RBFOX1: variants seen among roughly 807,000 people sequenced by gnomAD.
RBFOX1 encodes the protein RNA binding fox-1 homolog 1.
A neutral mutation model predicts 57.7 loss-of-function variants in RBFOX1; 8 were observed. The ratio of observed to expected loss-of-function variants is 0.14; its 90% CI spans 0.08 to 0.25. RBFOX1 has a LOEUF of 0.25. Ranked by LOEUF, RBFOX1 falls within the 10% of genes least tolerant of loss-of-function variation. RBFOX1 has a pLI of 1.00. For synonymous variants in RBFOX1, 326 were observed against 222.4 expected (o/e 1.47, Z -4.15); for missense variants, 611 against 548.5 (o/e 1.11, Z -1.14).
rs116439677 is a variant in RBFOX1 at position 7,161,069 on chromosome 16, A to T, written c.27+108971A>T. On this transcript the variant is annotated intron_variant, in intron 4 of 15. Transcript: ENST00000550418. ...CAGGTTGTTCCCAGCTACCCAGATG[A>T]CTACCTTTCATCATATTTGCAGAGT... Among the ~76,000 whole-genome samples, 125 of 151,902 alleles carry T rather than the reference A, an allele frequency of 8.2e-4. 2 individuals carry two copies. The highest frequency in any genetic ancestry group is 3.0e-3 in the African/African-American group (122 of 41,156).
chr16:6,703,083 T>G (rs1304005799), intron 3 of RBFOX1, among the ~76,000 whole-genome samples: 1 of 152,238 alleles, frequency 6.6e-6, no homozygotes, highest in East Asian at 1.9e-4. Context: ...TGTGTTATTC[T>G]TATTTCCTTC....
intron 4 of RBFOX1, among the ~76,000 whole-genome samples, chr16:7,330,157 C>T (rs996011734): frequency 6.6e-6 from 1 of 152,040 alleles, no homozygotes; most frequent in African/African-American, 2.4e-5. Flanking sequence ...AGATTGGTTC[C>T]AGGACCTCCC....
intron 4 of RBFOX1, among the ~76,000 whole-genome samples, chr16:7,127,244 C>G (rs1477644318): frequency 4.6e-5 from 7 of 152,120 alleles, no homozygotes; most frequent in African/African-American, 1.7e-4. Flanking sequence ...TCCATACTTT[C>G]CTGTATCCAT....
At chr16:6,239,974 C>T (rs1026816180) in intron 1 of RBFOX1, among the ~76,000 whole-genome samples, 1 of 152,096 alleles carries the variant, frequency 6.6e-6, no homozygotes, top group African/African-American at 2.4e-5. Flanking sequence ...GTGGATCTCT[C>T]AAGGTGGGAG....
At chr16:6,141,020 C>G (rs940244815) in intron 1 of RBFOX1, among the ~76,000 whole-genome samples, 2 of 152,176 alleles carry the variant, frequency 1.3e-5, no homozygotes, top group South Asian at 4.1e-4. Flanking sequence ...ACTCTCTGCC[C>G]TCCCACATTG....
At chr16:6,510,867 A>G (rs1159108618) in intron 2 of RBFOX1, among the ~76,000 whole-genome samples, 3 of 151,110 alleles carry the variant, frequency 2.0e-5, no homozygotes, top group Non-Finnish European at 2.9e-5. Flanking sequence ...AAAAAAAAAA[A>G]GGAAAAAAAG....
At chr16:6,754,078 C>A (rs1365941846) in intron 3 of RBFOX1, among the ~76,000 whole-genome samples, 1 of 152,132 alleles carries the variant, frequency 6.6e-6, no homozygotes, top group East Asian at 1.9e-4. Flanking sequence ...AATAAAGACA[C>A]CCATAATTTT....
intron 5 of RBFOX1, among the ~76,000 whole-genome samples, chr16:7,534,340 G>T (rs937229407): frequency 6.6e-6 from 1 of 151,702 alleles, no homozygotes; most frequent in African/African-American, 2.4e-5. Context: ...TGATCCGCCC[G>T]TCTCAGCCTA....
At chr16:6,618,633 G>A (rs993697030) in intron 2 of RBFOX1, among the ~76,000 whole-genome samples, 1 of 152,176 alleles carries the variant, frequency 6.6e-6, no homozygotes, top group Admixed American at 6.5e-5. Context: ...CCAAGGTTAC[G>A]TGGCTAGTGC....
chr16:5,643,047 A>T (rs1030298149), intron 3 of RBFOX1, among the ~76,000 whole-genome samples: 4 of 152,074 alleles, frequency 2.6e-5, no homozygotes, highest in Non-Finnish European at 5.9e-5. Context: ...TCACCTTATG[A>T]TATATTCTTG....
rs573539844 is a variant in RBFOX1 at position 6,726,110 on chromosome 16, T to C, written c.-16+71460T>C. 2.0e-5 allele frequency among the ~76,000 whole-genome samples: 3 copies of C among 152,322 alleles called. No homozygotes were observed. The East Asian group carries it at 5.8e-4, about 29-fold the overall frequency. ...TTCAGTGTTAAATATGAGAGAACTT[T>C]GTTACACAGAGCCAGGAGGGGGCAG... On this transcript the variant is annotated intron_variant, in intron 3 of 15. Transcript: ENST00000550418.
chr16:6,857,373 G>A (rs992128575), intron 3 of RBFOX1, among the ~76,000 whole-genome samples: 1 of 152,146 alleles, frequency 6.6e-6, no homozygotes, highest in Non-Finnish European at 1.5e-5. Flanking sequence ...TATTCTTAGT[G>A]AATCAGAGGT....
intron 3 of RBFOX1, among the ~76,000 whole-genome samples, chr16:6,982,988 C>T (rs745419287): frequency 3.5e-5 from 3 of 86,684 alleles, no homozygotes; most frequent in Non-Finnish European, 2.1e-5. Flanking sequence ...GAGTGAGACT[C>T]TGTCTAAAAA....
chr16:5,373,016 G>C (rs1238909789), intron 1 of RBFOX1, among the ~76,000 whole-genome samples: 1 of 152,178 alleles, frequency 6.6e-6, no homozygotes, highest in Non-Finnish European at 1.5e-5. Flanking sequence ...AAGTCTTTCA[G>C]AATTTAAAGA....
At chr16:5,710,686 G>A (rs1303415664) in intron 3 of RBFOX1, among the ~76,000 whole-genome samples, 1 of 152,190 alleles carries the variant, frequency 6.6e-6, no homozygotes, top group Non-Finnish European at 1.5e-5. Context: ...GGTTAACCAT[G>A]CTGACATTGT....
At chr16:7,093,078 G>A (rs1203233186) in intron 4 of RBFOX1, among the ~76,000 whole-genome samples, 3 of 152,198 alleles carry the variant, frequency 2.0e-5, no homozygotes, top group Non-Finnish European at 4.4e-5. Flanking sequence ...TCCTATGAGT[G>A]CAGTGCTTTA....
chr16:7,409,998 C>G (rs1038568239), intron 4 of RBFOX1, among the ~76,000 whole-genome samples: 18 of 152,214 alleles, frequency 1.2e-4, no homozygotes, highest in Admixed American at 9.8e-4. Flanking sequence ...GGGGACACAG[C>G]TGGATGGCTG....
At chr16:5,837,290 C>T (rs1261319166) in intron 3 of RBFOX1, among the ~76,000 whole-genome samples, 1 of 151,842 alleles carries the variant, frequency 6.6e-6, no homozygotes, top group Non-Finnish European at 1.5e-5. Flanking sequence ...GCATCTTCTG[C>T]CTGAAACACC....
chr16:7,098,418 C>T (rs992880875), intron 4 of RBFOX1, among the ~76,000 whole-genome samples: 3 of 152,158 alleles, frequency 2.0e-5, no homozygotes, highest in Non-Finnish European at 4.4e-5. Flanking sequence ...GATCCACCTG[C>T]CTAGGCCTCC....
Sources: gnomAD v4.1 joint callset for allele counts (sites outside exome capture counted in the v4.1 genomes callset) on GRCh38, gnomAD v4.1.1 for gene constraint, MANE v1.5 for transcripts, NCBI Gene and HGNC (gene_info 2026-07-23, HGNC 2026-07-21) for gene names.